The following F11 variants were observed in gnomAD, a reference collection of about 807,000 sequenced individuals.
F11 encodes the protein coagualtion factor XI.
Under a neutral mutation model 76.5 loss-of-function variants are expected in F11, and 78 were observed. That is an observed-to-expected ratio of 1.02 (90% confidence interval 0.85 to 1.23). The LOEUF (loss-of-function observed/expected upper bound fraction) is 1.23, where lower values mean the gene tolerates loss of function less well. Ranked by LOEUF, F11 falls within the 50% of genes most tolerant of loss-of-function variation. F11 has a pLI of 0.00. For synonymous variants in F11, 278 were observed against 276.3 expected (o/e 1.01, Z -0.06); for missense variants, 742 against 771.4 (o/e 0.96, Z 0.45).
intron 2 of F11, among the ~76,000 whole-genome samples, chr4:186,270,689 T>C (rs1278907138): frequency 6.6e-6 from 1 of 151,998 alleles, no homozygotes; most frequent in Non-Finnish European, 1.5e-5. Flanking sequence ...TGTGCGCATG[T>C]GCACATGAGA....
chr4:186,285,672 G>A lies in F11; in HGVS notation c.1339G>A (p.Gly447Ser). 1 of 1,614,038 alleles carries A rather than the reference G, an allele frequency of 6.2e-7. No homozygotes were observed. Among genetic ancestry groups the A allele is most frequent in the Non-Finnish European group, 8.5e-7 (1 of 1,180,010 alleles). The change falls in exon 12 of 15, where the codon GGC (glycine) becomes AGC (serine). Residue 447 changes from glycine (G) to serine (S), a missense_variant. Transcript: ENST00000403665. ...ACCTAAGATTTTGCGTGTCTACAGT[G>A]GCATTTTAAATCAATCTGAAATAAA... ...ESPKILRVYS[G>S]ILNQSEIKED... is the part of the protein sequence containing the mutation.
intron 7 of F11, among the ~76,000 whole-genome samples, chr4:186,278,971 A>G (rs1740582291): frequency 2.0e-5 from 3 of 152,206 alleles, no homozygotes; most frequent in African/African-American, 7.2e-5. Flanking sequence ...TCTTTGTCTT[A>G]TTACCTTACT....
chr4:186,290,110 T>C (rs149134993), downstream of F11, among the ~76,000 whole-genome samples: 22 of 152,284 alleles, frequency 1.4e-4, no homozygotes, highest in African/African-American at 5.3e-4. Context: ...CAAAATAAAA[T>C]AATCACACAA....
rs144674776 is a variant in F11, at chr4:186,274,257, T to A, written c.467T>A (p.Phe156Tyr). 135 of 1,614,082 alleles carry A rather than the reference T, an allele frequency of 8.4e-5. No individual in the cohort carries two copies. Among genetic ancestry groups the A allele is most frequent in the Non-Finnish European group, 1.1e-4 (125 of 1,180,040 alleles). ...CHFFTYATRQ[F>Y]PSLEHRNICL... Reference sequence around the variant, plus strand: ...TTTTTCACGTACGCCACAAGGCAGTTTCCCAGCCTGGAGCATCGGTGAGTG... The same window carrying A: ...TTTTTCACGTACGCCACAAGGCAGTATCCCAGCCTGGAGCATCGGTGAGTG... Residue 156 changes from phenylalanine to tyrosine, a missense_variant, in exon 5 of 15, where the codon TTT (phenylalanine) becomes TAT (tyrosine). Phe to Tyr is a conservative substitution (Grantham distance 22). Transcript: ENST00000403665.
At position 186,280,016 on chromosome 4, in the gene F11, C is replaced by A; in HGVS notation, c.760C>A (p.Leu254Ile). The A allele has an allele frequency of 6.2e-7, 1 of 1,611,970 alleles. No individual in the cohort carries two copies. The highest frequency in any genetic ancestry group is 8.5e-7 in the Non-Finnish European group (1 of 1,178,036). ...QEWPKESQRNLCLLKTSESGL... is the reference protein window; with the variant it reads ...QEWPKESQRNICLLKTSESGL... Reference sequence around the variant, plus strand: ...CTTCCCTTTTGTTTTTGTTAGAAATCTTTGTCTCCTTAAAACATCTGAGAG... The same window carrying A: ...CTTCCCTTTTGTTTTTGTTAGAAATATTTGTCTCCTTAAAACATCTGAGAG... The change falls in exon 8 of 15, where the codon CTT (leucine) becomes ATT (isoleucine). Residue 254 changes from leucine (L) to isoleucine (I), a missense_variant. Transcript: ENST00000403665.
intron 10 of F11, chr4:186,283,005 T>A (rs775038156): frequency 1.5e-4 from 144 of 985,180 alleles, no homozygotes; most frequent in Non-Finnish European, 1.7e-4. Flanking sequence ...TAACTTAGAC[T>A]CCTCCCTTAG....
chr4:186,267,458 A>C (rs553631785), intron 2 of F11, among the ~76,000 whole-genome samples: 11 of 152,356 alleles, frequency 7.2e-5, no homozygotes, highest in Admixed American at 5.9e-4. Context: ...ATTTAAAAGC[A>C]ATATTAAAAA....
Position 186,274,175 on chromosome 4 carries a change from G to C in F11, c.385G>C (p.Val129Leu). ...DMKGINYNSS[V>L]AKSAQECQER... ...GAAGGGCATAAACTATAACAGCTCA[G>C]TTGCCAAGAGTGCTCAAGAATGCCA... is the stretch of plus-strand genomic sequence containing the variant. The change falls in exon 5 of 15, where the codon GTT (valine) becomes CTT (leucine). Residue 129 changes from valine (V) to leucine (L), a missense_variant. By Grantham distance (32) the Val-to-Leu change is conservative. Coordinates refer to ENST00000403665, the MANE Select transcript of F11 (RefSeq NM_000128.4). 6.2e-7 allele frequency: 1 copy of C among 1,614,172 alleles called. No individual in the cohort carries two copies. The highest frequency in any genetic ancestry group is 8.5e-7 in the Non-Finnish European group (1 of 1,180,040).
At position 186,284,259 on chromosome 4, in the gene F11, G is replaced by T. The variant is rs765618207; in HGVS notation, c.1303G>T (p.Gly435Trp). ...WILTAAHCFY[G>W]VESPKILRVY... is the part of the protein sequence containing the mutation. Reference sequence around the variant, plus strand: ...ATTAACAGCCGCTCACTGTTTCTATGGGTCAGTACCACGGCTGTTTTTATT... The same window carrying T: ...ATTAACAGCCGCTCACTGTTTCTATTGGTCAGTACCACGGCTGTTTTTATT... Residue 435 changes from glycine to tryptophan, a missense_variant and splice_region_variant, in exon 11 of 15, where the codon GGG becomes TGG. Gly to Trp is a radical substitution (Grantham distance 184). Coordinates refer to ENST00000403665, the MANE Select transcript of F11 (RefSeq NM_000128.4). The T allele has an allele frequency of 1.9e-6, 3 of 1,612,444 alleles. No individual in the cohort carries two copies. The highest frequency in any genetic ancestry group is 2.2e-5 in the South Asian group (2 of 91,004).
At position 186,288,766 on chromosome 4, in the gene F11, C is replaced by T. The variant is rs1741398634; in HGVS notation, c.*152C>T. On this transcript the variant is annotated 3_prime_UTR_variant, in exon 15 of 15. Transcript: ENST00000403665. ...AATGCTAGAAGAAAACAAACTGTCA[C>T]AAGTTGTTATGTCCAAAACTCCCGT... 2 of 856,476 alleles carry T rather than the reference C, an allele frequency of 2.3e-6. No individual in the cohort carries two copies. Among genetic ancestry groups the T allele is most frequent in the East Asian group, 2.7e-5 (1 of 37,056 alleles). The allele number at this position is 856,476 out of a possible 1,614,324, so 53.1% of individuals were successfully genotyped here. A position where few individuals can be genotyped will look rare whatever the true frequency, so the allele number is the denominator to read the frequency against.
At position 186,271,758 on chromosome 4, in the gene F11, G is replaced by A. The variant is rs1219290117; in HGVS notation, c.205G>A (p.Asp69Asn). The A allele has an allele frequency of 9.3e-6, 15 of 1,614,032 alleles. No homozygotes were observed. Among genetic ancestry groups the A allele is most frequent in the Admixed American group, 5.0e-5 (3 of 60,000 alleles). ...TTTCACGGCGGAATCACCATCTGAG[G>A]ATCCCACCCGATGGTAAATGCTTAT... ...FTFTAESPSEDPTRWFTCVLK... is the reference protein window; with the variant it reads ...FTFTAESPSENPTRWFTCVLK... Residue 69 changes from aspartate (D) to asparagine (N), a missense_variant, in exon 3 of 15, where the codon GAT becomes AAT. By Grantham distance (23) the Asp-to-Asn change is conservative (BLOSUM62 1). Coordinates refer to ENST00000403665, the MANE Select transcript of F11 (RefSeq NM_000128.4).
intron 7 of F11, 37 bp from the exon 8 acceptor site, chr4:186,279,974 GA>G: frequency 1.4e-6 from 2 of 1,465,942 alleles, no homozygotes; most frequent in South Asian, 2.3e-5. Context: ...TTATGTGTTT[GA>G]TATGATATAT....
In F11 at chr4:186,289,040, T is replaced by TAATGATACG; in HGVS notation, c.*426_*427insAATGATACG. ...AGAACAAAGACAGTCTTCACCATTTTGCAGGAATCTACACTCTGCCTATGT... is the reference window on the plus strand; with the variant it reads ...AGAACAAAGACAGTCTTCACCATTTTAATGATACGGCAGGAATCTACACTCTGCCTATGT... On this transcript the variant is annotated 3_prime_UTR_variant, in exon 15 of 15. Transcript: ENST00000403665. 5.4e-6 allele frequency: 1 copy of TAATGATACG among 185,370 alleles called. No individual in the cohort carries two copies. The highest frequency in any genetic ancestry group is 1.2e-4 in the South Asian group (1 of 8,356). 11.5% of individuals were successfully genotyped at this position (185,370 alleles called of 1,614,324 possible).
intron 4 of F11, among the ~76,000 whole-genome samples, 175 bp downstream of exon 4, chr4:186,273,352 C>A (rs757643787): frequency 6.6e-6 from 1 of 152,208 alleles, no homozygotes; most frequent in East Asian, 1.9e-4. Flanking sequence ...CCCTCCAACA[C>A]ACTGTAAAAA....
chr4:186,287,808 G>C lies in F11; in HGVS notation c.1701G>C (p.Gly567=). Residue 567 remains glycine (G), a synonymous_variant, in exon 14 of 15, where the codon GGG becomes GGC. Transcript: ENST00000403665. ...KMICAGYREG[G]KDACKGDSGG... ...TCTGTGCCGGCTACAGGGAAGGAGG[G>C]AAGGACGCTTGCAAGGTAACAGAGT... The C allele has an allele frequency of 6.2e-7, 1 of 1,612,964 alleles. No homozygotes were observed.
In F11 at chr4:186,273,125, G is replaced by C. The variant is rs748582206; in HGVS notation, c.273G>C (p.Arg91Ser). 1 of 1,614,048 alleles carries C rather than the reference G, an allele frequency of 6.2e-7. No individual in the cohort carries two copies. The highest frequency in any genetic ancestry group is 2.2e-5 in the East Asian group (1 of 44,860). Residue 91 changes from arginine (R) to serine (S), a missense_variant, in exon 4 of 15, where the codon AGG becomes AGC. Arg to Ser is a moderately radical substitution (Grantham distance 110). Coordinates refer to ENST00000403665, the MANE Select transcript of F11 (RefSeq NM_000128.4). ...CAGAAACACTGCCAAGAGTGAATAG[G>C]ACAGCAGCGATTTCTGGGTATTCTT... ...SVTETLPRVN[R>S]TAAISGYSFK...
rs374122923 is a variant in F11, at chr4:186,271,603, T to A, written c.56-6T>A. 9.3e-6 allele frequency: 15 copies of A among 1,614,106 alleles called. No individual in the cohort carries two copies. The East Asian group carries it at 3.1e-4, about 34-fold the overall frequency. On this transcript the variant is annotated splice_polypyrimidine_tract_variant and splice_region_variant and intron_variant, in intron 2 of 14. Coordinates refer to ENST00000403665, the MANE Select transcript of F11 (RefSeq NM_000128.4). ...AACATAACGCATGCCATGTACTACA[T>A]CACAGAATGTGTGACTCAGTTGTTG...
intron 5 of F11, among the ~76,000 whole-genome samples, chr4:186,275,518 G>A (rs1176306960): frequency 6.6e-6 from 1 of 151,938 alleles, no homozygotes; most frequent in Non-Finnish European, 1.5e-5. Flanking sequence ...CAAAAAATGA[G>A]AAGGGCTTGA....
chr4:186,286,406 T>A lies in F11; in HGVS notation c.1481-9T>A, dbSNP rs372283197. On this transcript the variant is annotated splice_polypyrimidine_tract_variant and intron_variant, in intron 12 of 14. Coordinates refer to ENST00000403665, the MANE Select transcript of F11 (RefSeq NM_000128.4). ...GTCTCATATTTAAACCACGATTTTT[T>A]AAATTTAGATTCTCAACGACCCATA... 22 of 1,612,834 alleles carry A rather than the reference T, an allele frequency of 1.4e-5. No individual in the cohort carries two copies. The highest frequency in any genetic ancestry group is 1.7e-5 in the Non-Finnish European group (20 of 1,179,070).
Sources: gnomAD v4.1 joint callset for allele counts (sites outside exome capture counted in the v4.1 genomes callset) on GRCh38, gnomAD v4.1.1 for gene constraint, MANE v1.5 for transcripts, NCBI Gene and HGNC (gene_info 2026-07-23, HGNC 2026-07-21) for gene names.